SLCO1A2: variants seen among roughly 807,000 people sequenced by gnomAD.
The protein encoded by SLCO1A2 is solute carrier organic anion transporter family member 1A2.
Under a neutral mutation model 69.0 loss-of-function variants are expected in SLCO1A2, and 67 were observed. The observed-to-expected ratio is 0.97, with a 90% CI of 0.80 to 1.19. SLCO1A2 has a LOEUF of 1.19. Among genes scored for constraint, SLCO1A2 ranks in the 50% most tolerant of loss-of-function variants. The pLI is 0.00. For synonymous variants in SLCO1A2, 260 were observed against 265.9 expected (o/e 0.98, Z 0.22); for missense variants, 787 against 793.7 (o/e 0.99, Z 0.10).
chr12:21,402,231 T>C (rs1325982991), intron 1 of SLCO1A2, among the ~76,000 whole-genome samples: 3 of 151,124 alleles, frequency 2.0e-5, no homozygotes, highest in Non-Finnish European at 4.4e-5. Flanking sequence ...GTACCATAAA[T>C]AAGTTTTTAA....
intron 12 of SLCO1A2, among the ~76,000 whole-genome samples, chr12:21,286,599 A>G (rs1181768642): frequency 2.7e-4 from 32 of 120,624 alleles, no homozygotes; most frequent in African/African-American, 1.0e-3. Context: ...ACACTACCTG[A>G]CTTCAAACTA....
Position 21,274,489 on chromosome 12 carries a change from T to C in SLCO1A2, c.1773A>G (p.Ile591Met). 6.2e-7 allele frequency: 1 copy of C among 1,610,962 alleles called. No individual in the cohort carries two copies. Among genetic ancestry groups the C allele is most frequent in the Non-Finnish European group, 8.5e-7 (1 of 1,177,184 alleles). ...TTTACCTGAAGGTGGTGGAATCATATATCCTGCATGCCCCTGACTCACCAC... is the reference window on the plus strand; with the variant it reads ...TTTACCTGAAGGTGGTGGAATCATACATCCTGCATGCCCCTGACTCACCAC... ...LKCGESGACR[I>M]YDSTTFRYIY... The change falls in exon 14 of 15, where the codon ATA becomes ATG. Residue 591 changes from isoleucine (I) to methionine (M), a missense_variant. Coordinates refer to ENST00000683939, the MANE Select transcript of SLCO1A2 (RefSeq NM_001386879.1).
chr12:21,378,583 A>G, intron 1 of SLCO1A2: 1 of 609,126 alleles, frequency 1.6e-6, no homozygotes, highest in Non-Finnish European at 2.9e-6. Flanking sequence ...TATATGTAGT[A>G]CTAACTAAGG....
At chr12:21,306,164 G>A (rs554555652) in intron 5 of SLCO1A2, among the ~76,000 whole-genome samples, 110 of 152,242 alleles carry the variant, frequency 7.2e-4, no homozygotes, top group African/African-American at 2.3e-3. Context: ...TGTTTTCCCC[G>A]CTATTAAAGA....
At chr12:21,398,153 A>G (rs1480228454), upstream of SLCO1A2, among the ~76,000 whole-genome samples, 65 of 149,678 alleles carry the variant, frequency 4.3e-4, 1 homozygote, top group East Asian at 0.012. Flanking sequence ...AAAAAGAGAG[A>G]AGAATCAAAT....
At chr12:21,338,834 A>G (rs187287318), upstream of SLCO1A2, among the ~76,000 whole-genome samples, 4 of 151,848 alleles carry the variant, frequency 2.6e-5, no homozygotes, top group Non-Finnish European at 2.9e-5. Flanking sequence ...TCAAAAAAAA[A>G]CCTGAAAATT....
intron 1 of SLCO1A2, among the ~76,000 whole-genome samples, chr12:21,404,957 T>G (rs1289441976): frequency 6.6e-6 from 1 of 152,218 alleles, no homozygotes; most frequent in Non-Finnish European, 1.5e-5. Context: ...TATCTCAATG[T>G]GGTTTTGATT....
chr12:21,371,057 G>A (rs563376176), intron 2 of SLCO1A2, among the ~76,000 whole-genome samples: 6 of 152,332 alleles, frequency 3.9e-5, no homozygotes, highest in South Asian at 4.1e-4. Flanking sequence ...GCTTACGGCG[G>A]TTTTGCAGTC....
At chr12:21,360,430 G>T (rs1938746493) in intron 2 of SLCO1A2, among the ~76,000 whole-genome samples, 1 of 152,184 alleles carries the variant, frequency 6.6e-6, no homozygotes, top group South Asian at 2.1e-4. Context: ...ACATCAGAGG[G>T]TGGCACCAAG....
intron 12 of SLCO1A2, among the ~76,000 whole-genome samples, chr12:21,277,584 G>A (rs532490359): frequency 1.5e-4 from 23 of 152,104 alleles, no homozygotes; most frequent in African/African-American, 3.9e-4. Flanking sequence ...GTAGAGCAGC[G>A]GTTCCCAAAC....
intron 2 of SLCO1A2, among the ~76,000 whole-genome samples, chr12:21,370,731 A>C (rs546032258): frequency 6.6e-6 from 1 of 152,292 alleles, no homozygotes; most frequent in Non-Finnish European, 1.5e-5. Flanking sequence ...TTTTGTCTAA[A>C]TGAACACTAG....
Position 21,274,502 on chromosome 12 carries a change from C to G in SLCO1A2, c.1760G>C (p.Gly587Ala). The change falls in exon 14 of 15, where the codon GGG becomes GCG. Residue 587 changes from glycine (G) to alanine (A), a missense_variant. Transcript: ENST00000683939. ...HWGTLKCGES[G>A]ACRIYDSTTF... ...GGTGGAATCATATATCCTGCATGCCCCTGACTCACCACATTTCAAAGTTCC... is the reference window on the plus strand; with the variant it reads ...GGTGGAATCATATATCCTGCATGCCGCTGACTCACCACATTTCAAAGTTCC... 1.2e-6 allele frequency: 2 copies of G among 1,613,072 alleles called. No individual in the cohort carries two copies. The highest frequency in any genetic ancestry group is 1.7e-6 in the Non-Finnish European group (2 of 1,179,212).
At chr12:21,293,391 G>A (rs1947210912) in intron 11 of SLCO1A2, among the ~76,000 whole-genome samples, 1 of 151,876 alleles carries the variant, frequency 6.6e-6, no homozygotes, top group South Asian at 2.1e-4. Flanking sequence ...GTCTTAATAA[G>A]AATCAAAATT....
intron 1 of SLCO1A2, among the ~76,000 whole-genome samples, chr12:21,416,087 TTC>T (rs912757283): frequency 3.9e-5 from 6 of 152,158 alleles, no homozygotes; most frequent in Admixed American, 1.3e-4. Context: ...ACTATACTTT[TTC>T]TTTTTTATTA....
chr12:21,317,547 CTAT>C (rs564663416), intron 3 of SLCO1A2, among the ~76,000 whole-genome samples: 420 of 152,210 alleles, frequency 2.8e-3, no homozygotes, highest in Non-Finnish European at 4.6e-3. Context: ...TCAATTAATA[CTAT>C]TATTATCTGC....
Position 21,306,792 on chromosome 12 carries a change from A to G in SLCO1A2, c.442+90T>C, listed in dbSNP as rs976130951. 11 of 763,720 alleles carry G rather than the reference A, an allele frequency of 1.4e-5. No homozygotes were observed. The African/African-American group carries it at 1.6e-4, about 11-fold the overall frequency. 47.3% of individuals were successfully genotyped at this position (763,720 alleles called of 1,614,324 possible). ...AGAACATATCTTTGTTTATTTATCTAACTCAATCAATATCTCATTCAAGCC... is the reference window on the plus strand; with the variant it reads ...AGAACATATCTTTGTTTATTTATCTGACTCAATCAATATCTCATTCAAGCC... On this transcript the variant is annotated intron_variant, in intron 5 of 14. Coordinates refer to ENST00000683939, the MANE Select transcript of SLCO1A2 (RefSeq NM_001386879.1).
chr12:21,291,950 T>C (rs1946923735), intron 12 of SLCO1A2, among the ~76,000 whole-genome samples: 1 of 152,018 alleles, frequency 6.6e-6, no homozygotes, highest in South Asian at 2.1e-4. Context: ...GGAAGAAAAG[T>C]AGCGAGGAAT....
intron 1 of SLCO1A2, chr12:21,403,628 T>C (rs1941773564): frequency 6.6e-6 from 1 of 151,948 alleles, no homozygotes; most frequent in African/African-American, 2.4e-5. Flanking sequence ...TCTTTGGCTC[T>C]GATGGTTGCA....
intron 1 of SLCO1A2, among the ~76,000 whole-genome samples, chr12:21,375,428 CT>C (rs1198553142): frequency 6.6e-6 from 1 of 152,092 alleles, no homozygotes; most frequent in Non-Finnish European, 1.5e-5. Context: ...ATTTTAAACT[CT>C]TTTTAAAAAA....
Sources: gnomAD v4.1 joint callset for allele counts (sites outside exome capture counted in the v4.1 genomes callset) on GRCh38, gnomAD v4.1.1 for gene constraint, MANE v1.5 for transcripts, NCBI Gene and HGNC (gene_info 2026-07-23, HGNC 2026-07-21) for gene names.